Variants in CTSB observed in about 807,000 individuals in gnomAD.
CTSB encodes APP secretase.
CTSB carries 57 observed loss-of-function variants against 44.3 expected under a neutral mutation model. The observed-to-expected ratio is 1.29, with a 90% CI of 1.04 to 1.60. The LOEUF is 1.60. CTSB is among the 40% of genes most tolerant of loss of function. CTSB has a pLI of 0.00. For synonymous variants in CTSB, 320 were observed against 168.0 expected, an observed-to-expected ratio of 1.91 and a Z score of -7.00; for missense variants, 768 against 443.0, an observed-to-expected ratio of 1.73 and a Z score of -6.59.
chr8:11,852,799 C>T, intron 2 of CTSB, 104 bp from the exon 3 acceptor site: 1 of 1,008,592 alleles, frequency 9.9e-7, no homozygotes, highest in Non-Finnish European at 1.5e-6. Flanking sequence ...GAGACCCTAC[C>T]CAATTCAAGG....
At chr8:11,851,630 C>G (rs1814617968) in intron 3 of CTSB, among the ~76,000 whole-genome samples, 1 of 152,230 alleles carries the variant, frequency 6.6e-6, no homozygotes, top group Admixed American at 6.5e-5. Context: ...CTGCCTCAAC[C>G]TCTGCCCAGG....
Position 11,850,912 on chromosome 8 carries a change from G to C in CTSB, c.281C>G (p.Pro94Arg), listed in dbSNP as rs148117767. The C allele has an allele frequency of 3.1e-6, 5 of 1,613,428 alleles. No individual in the cohort carries two copies. In the South Asian group the frequency reaches 3.3e-5, roughly 11 times the overall value. ...FDAREQWPQC[P>R]TIKEIRDQGS... is the part of the protein sequence containing the mutation. ...CTGGTCTCTGATCTCTTTGATGGTG[G>C]GACACTGTGGCCATTGTTCCCGTGC... The change falls in exon 4 of 10, where the codon CCC becomes CGC. Residue 94 changes from proline (P) to arginine (R), a missense_variant. Coordinates refer to ENST00000353047, the MANE Select transcript of CTSB (RefSeq NM_001908.5).
intron 1 of CTSB, among the ~76,000 whole-genome samples, chr8:11,859,095 G>C (rs984931113): frequency 6.6e-6 from 1 of 152,058 alleles, no homozygotes; most frequent in Non-Finnish European, 1.5e-5. Context: ...CTGAGTTCCA[G>C]TGCACCCCTC....
At position 11,851,099 on chromosome 8, in the gene CTSB, C is replaced by T. The variant is rs572390290; in HGVS notation, c.213-119G>A. 6.8e-5 allele frequency: 39 copies of T among 573,824 alleles called. 1 individual carries two copies. The highest frequency in any genetic ancestry group is 2.7e-4 in the Middle Eastern group (1 of 3,638). The allele number at this position is 573,824 out of a possible 1,614,324, so 35.5% of individuals were successfully genotyped here. On this transcript the variant is annotated intron_variant, in intron 3 of 9. Transcript: ENST00000353047. ...ACAAGGAAATGAGCACAAGACATGC[C>T]GAAGAAGGCTGCAGACAGGTGTCCT...
Position 11,846,094 on chromosome 8 carries a change from TGA to T in CTSB, c.794-307_794-306del, listed in dbSNP as rs1813276475. 1.5e-5 allele frequency: 3 copies of T among 205,476 alleles called. No homozygotes were observed. The Admixed American group carries it at 1.8e-4, about 12-fold the overall frequency. The allele number at this position is 205,476 out of a possible 1,614,324, so 12.7% of individuals were successfully genotyped here. ...GATAAAACATTTAATGCTAGATGACTGATTCATCTGTTCTTTATACTGGGATT... is the reference window on the plus strand; with the variant it reads ...GATAAAACATTTAATGCTAGATGACTTTCATCTGTTCTTTATACTGGGATT... On this transcript the variant is annotated intron_variant, in intron 8 of 9. Coordinates refer to ENST00000353047, the MANE Select transcript of CTSB (RefSeq NM_001908.5).
chr8:11,844,847 G>T lies in CTSB; in HGVS notation c.*278C>A, dbSNP rs552532455. ...TGGAGATGGATGGATCACGGAGGGG[G>T]CCACAGTCAGCTGGGGCAGCAGGTA... On this transcript the variant is annotated 3_prime_UTR_variant, in exon 10 of 10. Coordinates refer to ENST00000353047, the MANE Select transcript of CTSB (RefSeq NM_001908.5). 1.2e-5 allele frequency: 5 copies of T among 412,660 alleles called. No homozygotes were observed. The highest frequency in any genetic ancestry group is 2.2e-5 in the Non-Finnish European group (5 of 226,474). 25.6% of individuals were successfully genotyped at this position (412,660 alleles called of 1,614,324 possible).
chr8:11,867,879 G>T (rs1293311), intron 1 of CTSB, 122 bp downstream of exon 1: 42,258 of 151,712 alleles, frequency 0.28, 6,389 homozygotes, highest in East Asian at 0.47. Context: ...GGCCCCCAGG[G>T]ACGCCGCGGG....
chr8:11,847,710 G>C lies in CTSB; in HGVS notation c.645C>G (p.Tyr215Ter). Residue 215 changes from tyrosine to a stop codon, truncating the protein, a stop_gained, in exon 7 of 10, where the codon TAC (tyrosine) becomes TAG (stop). Coordinates refer to ENST00000353047, the MANE Select transcript of CTSB (RefSeq NM_001908.5). LOFTEE classifies it high-confidence loss of function. Reference protein sequence around the residue: ...PKCSKICEPGYSPTYKQDKHY... With the variant: ...PKCSKICEPG ...GCTTGTCCTGTTTGTAGGTCGGGCT[G>C]TAGCCAGGCTCACAGATCTTGCTAC... is the stretch of plus-strand genomic sequence containing the variant. 6.3e-7 allele frequency: 1 copy of C among 1,589,040 alleles called. No homozygotes were observed. Among genetic ancestry groups the C allele is most frequent in the Non-Finnish European group, 8.5e-7 (1 of 1,169,916 alleles).
intron 1 of CTSB, chr8:11,853,913 GTTTC>G (rs1174708564): frequency 6.5e-6 from 1 of 154,048 alleles, no homozygotes; most frequent in Non-Finnish European, 1.4e-5. Flanking sequence ...AGGAGTCCTA[GTTTC>G]GACAGGACAC....
Position 11,843,613 on chromosome 8 carries a change from A to G in CTSB, c.*1512T>C, listed in dbSNP as rs545656984. On this transcript the variant is annotated 3_prime_UTR_variant, in exon 10 of 10. Coordinates refer to ENST00000353047, the MANE Select transcript of CTSB (RefSeq NM_001908.5). ...CAGGCCCTGACTCCAGCCCAAACCA[A>G]GGCTGGAGGGCATCCAGGGGGATGT... 2 of 152,368 alleles carry G rather than the reference A, an allele frequency of 1.3e-5. No individual in the cohort carries two copies. The highest frequency in any genetic ancestry group is 4.1e-4 in the South Asian group (2 of 4,832). 9.4% of individuals were successfully genotyped at this position (152,368 alleles called of 1,614,324 possible).
chr8:11,848,207 G>A lies in CTSB; in HGVS notation c.447-55C>T, dbSNP rs561228737. 2.7e-6 allele frequency: 4 copies of A among 1,501,040 alleles called. No individual in the cohort carries two copies. In the African/African-American group the frequency reaches 4.1e-5, roughly 15 times the overall value. The allele number at this position is 1,501,040 out of a possible 1,614,324, so 93.0% of individuals were successfully genotyped here. ...TGAGAGAAGCACCACCAGCTCTCCA[G>A]ACCACTGTGTGCTACCCAAGTGCCC... On this transcript the variant is annotated intron_variant, in intron 5 of 9. Transcript: ENST00000353047.
intron 1 of CTSB, among the ~76,000 whole-genome samples, chr8:11,854,201 C>A (rs768066324): frequency 6.6e-6 from 1 of 152,192 alleles, no homozygotes; most frequent in Non-Finnish European, 1.5e-5. Context: ...CAATACATGT[C>A]TCCTGGGCGC....
intron 5 of CTSB, 186 bp from the exon 6 acceptor site, chr8:11,848,338 G>C: frequency 1.5e-6 from 1 of 689,038 alleles, no homozygotes; most frequent in Non-Finnish European, 2.7e-6. Context: ...AGCTTGCAGG[G>C]AATAACCGCC....
intron 1 of CTSB, among the ~76,000 whole-genome samples, chr8:11,866,211 G>C (rs1322303117): frequency 1.3e-5 from 2 of 152,144 alleles, no homozygotes; most frequent in African/African-American, 4.8e-5. Flanking sequence ...GCTGGGGAAA[G>C]AAAAGAACCT....
In CTSB at chr8:11,853,357, T is replaced by G; in HGVS notation, c.98A>C (p.Tyr33Ser). 1 of 1,613,082 alleles carries G rather than the reference T, an allele frequency of 6.2e-7. No individual in the cohort carries two copies. Among genetic ancestry groups the G allele is most frequent in the Admixed American group, 1.7e-5 (1 of 59,862 alleles). The change falls in exon 2 of 10, where the codon TAT becomes TCT. Residue 33 changes from tyrosine to serine, a missense_variant. Transcript: ENST00000353047. Reference protein sequence around the residue: ...FHPLSDELVNYVNKRNTTWQA... With the variant: ...FHPLSDELVNSVNKRNTTWQA... ...CCACGTGGTATTCCGTTTGTTGACA[T>G]AGTTGACCAGCTCATCCGACAGGGG...
At chr8:11,866,761 G>A (rs536400003) in intron 1 of CTSB, among the ~76,000 whole-genome samples, 18 of 152,322 alleles carry the variant, frequency 1.2e-4, no homozygotes, top group African/African-American at 4.1e-4. Flanking sequence ...TCGGGAGGCT[G>A]AGGCAGGAGA....
intron 1 of CTSB, among the ~76,000 whole-genome samples, chr8:11,856,159 G>A (rs960119958): frequency 1.3e-5 from 2 of 152,062 alleles, no homozygotes; most frequent in African/African-American, 4.8e-5. Flanking sequence ...AGGAAGTGGG[G>A]AAACGGAAGG....
At chr8:11,858,927 C>T (rs1815951193) in intron 1 of CTSB, among the ~76,000 whole-genome samples, 1 of 152,152 alleles carries the variant, frequency 6.6e-6, no homozygotes, top group African/African-American at 2.4e-5. Flanking sequence ...TGCTCTGCTT[C>T]TTACAAGAGA....
intron 8 of CTSB, 155 bp downstream of exon 8, chr8:11,846,897 A>C (rs1813470796): frequency 1.6e-6 from 1 of 620,650 alleles, no homozygotes; most frequent in Middle Eastern, 4.1e-4. Flanking sequence ...TGGTCCACAG[A>C]GGAGTGAGCC....
Sources: allele counts gnomAD v4.1 joint callset (sites outside exome capture counted in the v4.1 genomes callset), GRCh38; gene constraint gnomAD v4.1.1; transcripts MANE v1.5; gene names NCBI Gene and HGNC (gene_info 2026-07-23, HGNC 2026-07-21).